The following SLF2 variants were observed in gnomAD, a reference collection of about 807,000 sequenced individuals.
SLF2 encodes SMC5/6 complex localization factor 2, also known as SMC5-SMC6 complex localization factor protein 2.
In SLF2, 68 loss-of-function variants were observed where a neutral mutation model predicts 124.3. That is an observed-to-expected ratio of 0.55 (90% CI 0.45 to 0.67). SLF2 has a LOEUF of 0.67. Among genes scored for constraint, SLF2 ranks in the 30% least tolerant of loss-of-function variants. The pLI is 0.00. For missense variants in SLF2, 1,246 were observed against 1,373.7 expected, an observed-to-expected ratio of 0.91 and a Z score of 1.47; for synonymous variants, 480 against 478.8, an observed-to-expected ratio of 1.00 and a Z score of -0.03.
intron 13 of SLF2, among the ~76,000 whole-genome samples, chr10:100,946,388 G>A (rs557520739): frequency 2.3e-4 from 35 of 149,038 alleles, no homozygotes; most frequent in Non-Finnish European, 4.9e-4. Context: ...GTGCAGTGGC[G>A]CAGTCTTGTC....
In SLF2 at chr10:100,917,297, T is replaced by C; in HGVS notation, c.912T>C (p.Asn304=). Residue 304 remains asparagine (N), a synonymous_variant, in exon 3 of 20, where the codon AAT becomes AAC. Coordinates refer to ENST00000238961, the MANE Select transcript of SLF2 (RefSeq NM_018121.4). ...DIIPGKNNLS[N]VENGHLSRKR... Reference sequence around the variant, plus strand: ...TACCTGGAAAAAATAATCTGTCAAATGTGGTATGTGTAAGAATTATTGAAT... The same window carrying C: ...TACCTGGAAAAAATAATCTGTCAAACGTGGTATGTGTAAGAATTATTGAAT... 2.5e-6 allele frequency: 4 copies of C among 1,605,344 alleles called. No homozygotes were observed. Among genetic ancestry groups the C allele is most frequent in the East Asian group, 2.2e-5 (1 of 44,834 alleles).
At chr10:100,941,055 G>C (rs990262134) in intron 11 of SLF2, among the ~76,000 whole-genome samples, 2 of 151,646 alleles carry the variant, frequency 1.3e-5, no homozygotes, top group South Asian at 4.2e-4. Flanking sequence ...GCCCAGGCTG[G>C]TCTCAAAATC....
chr10:100,932,741 A>G (rs1007583693), intron 9 of SLF2, among the ~76,000 whole-genome samples: 3 of 151,666 alleles, frequency 2.0e-5, no homozygotes, highest in African/African-American at 7.3e-5. Context: ...GCGCGCGCAC[A>G]TTTGTAAATG....
Position 100,933,415 on chromosome 10 carries a change from G to A in SLF2, c.2436+2337G>A, listed in dbSNP as rs895657058. 2.0e-4 allele frequency among the ~76,000 whole-genome samples: 31 copies of A among 152,104 alleles called. 1 individual carries two copies. The highest frequency in any genetic ancestry group is 3.4e-4 in the Non-Finnish European group (23 of 68,018). On this transcript the variant is annotated intron_variant, in intron 9 of 19. Coordinates refer to ENST00000238961, the MANE Select transcript of SLF2 (RefSeq NM_018121.4). ...TTGATTCCAAGTCCGTTTTCATCGT[G>A]GGAGGCTTTACCAACTTGTAAGTAG...
intron 19 of SLF2, 34 bp from the exon 20 acceptor site, chr10:100,961,843 G>T: frequency 6.3e-7 from 1 of 1,597,342 alleles, no homozygotes; most frequent in South Asian, 1.1e-5. Flanking sequence ...ATTAAATTTT[G>T]CTTTACCCTC....
At chr10:100,955,167 C>T (rs1266231841) in intron 17 of SLF2, among the ~76,000 whole-genome samples, 3 of 151,752 alleles carry the variant, frequency 2.0e-5, no homozygotes, top group Non-Finnish European at 4.4e-5. Context: ...GTCTTGATCT[C>T]CTGACCTTGT....
chr10:100,938,793 A>G, intron 11 of SLF2, 57 bp downstream of exon 11: 3 of 1,411,272 alleles, frequency 2.1e-6, no homozygotes, highest in Non-Finnish European at 2.8e-6. Context: ...ACTTATATAT[A>G]ATTATAGCTA....
chr10:100,960,659 T>C (rs1850409996), intron 19 of SLF2, among the ~76,000 whole-genome samples: 1 of 152,222 alleles, frequency 6.6e-6, no homozygotes, highest in South Asian at 2.1e-4. Flanking sequence ...TTTTTATTAT[T>C]GAGTTGTATG....
chr10:100,933,907 G>A (rs1025506935), intron 9 of SLF2, among the ~76,000 whole-genome samples: 1 of 152,166 alleles, frequency 6.6e-6, no homozygotes, highest in African/African-American at 2.4e-5. Context: ...TCGAACTCCT[G>A]GCCTTAAGTG....
At chr10:100,916,316 T>G (rs2133748443) in intron 2 of SLF2, among the ~76,000 whole-genome samples, 1 of 152,210 alleles carries the variant, frequency 6.6e-6, no homozygotes, top group South Asian at 2.1e-4. Flanking sequence ...ATACAGTAAT[T>G]TATAGAGCCA....
At position 100,959,456 on chromosome 10, in the gene SLF2, G is replaced by A; in HGVS notation, c.3446G>A (p.Gly1149Glu). 6.2e-7 allele frequency: 1 copy of A among 1,609,486 alleles called. No homozygotes were observed. The highest frequency in any genetic ancestry group is 8.5e-7 in the Non-Finnish European group (1 of 1,178,892). Residue 1149 changes from glycine to glutamate, a missense_variant, in exon 19 of 20, where the codon GGA (glycine) becomes GAA (glutamate). Gly to Glu is a moderately conservative substitution (Grantham distance 98). Around this residue, in one of 3 missense-constraint regions of SLF2, gnomAD observed 535 missense variants for 632.8 expected, o/e 0.85. Coordinates refer to ENST00000238961, the MANE Select transcript of SLF2 (RefSeq NM_018121.4). Reference protein sequence around the residue: ...KVKDLVARIHGKWQEIIQNCR... With the variant: ...KVKDLVARIHEKWQEIIQNCR... ...AAAGACTTGGTCGCCAGGATACATGGAAAATGGCAGGAAATAATCCAGAAC... is the reference window on the plus strand; with the variant it reads ...AAAGACTTGGTCGCCAGGATACATGAAAAATGGCAGGAAATAATCCAGAAC...
chr10:100,960,794 C>T (rs959437249), intron 19 of SLF2, among the ~76,000 whole-genome samples: 2 of 150,878 alleles, frequency 1.3e-5, no homozygotes, highest in African/African-American at 4.9e-5. Flanking sequence ...GATGTTATAT[C>T]TAAGGAGTCT....
chr10:100,937,284 T>C (rs1849882797), intron 9 of SLF2, 118 bp from the exon 10 acceptor site: 3 of 781,916 alleles, frequency 3.8e-6, no homozygotes, highest in Middle Eastern at 2.8e-4. Context: ...GTGCTAGGAT[T>C]ACAGGCATGA....
chr10:100,913,110 C>T lies in SLF2; in HGVS notation c.-1C>T. On this transcript the variant is annotated 5_prime_UTR_variant, in exon 1 of 20. Coordinates refer to ENST00000238961, the MANE Select transcript of SLF2 (RefSeq NM_018121.4). ...ATGCCGCCGTCGCCAGCGGCGCCGA[C>T]ATGACAAGGCGCTGCATGCCCGCTA... The T allele has an allele frequency of 6.2e-7, 1 of 1,611,846 alleles. No homozygotes were observed. The highest frequency in any genetic ancestry group is 8.5e-7 in the Non-Finnish European group (1 of 1,179,126).
chr10:100,935,394 CAAA>C (rs781232248), intron 9 of SLF2, among the ~76,000 whole-genome samples: 1 of 135,534 alleles, frequency 7.4e-6, no homozygotes. Context: ...GATTCTGTCC[CAAA>C]AAAAAAAAAA....
chr10:100,937,510 T>C, intron 10 of SLF2, 33 bp downstream of exon 10: 2 of 1,267,312 alleles, frequency 1.6e-6, no homozygotes, highest in Non-Finnish European at 2.3e-6. Context: ...ATTTACCGTG[T>C]GTATTATTGG....
At chr10:100,939,539 G>A (rs1849927478) in intron 11 of SLF2, among the ~76,000 whole-genome samples, 1 of 152,102 alleles carries the variant, frequency 6.6e-6, no homozygotes, top group Admixed American at 6.5e-5. Context: ...TTAGCCAGGT[G>A]TAGTGGCACG....
chr10:100,913,148 C>T lies in SLF2; in HGVS notation c.38C>T (p.Pro13Leu). 1 of 1,613,506 alleles carries T rather than the reference C, an allele frequency of 6.2e-7. No individual in the cohort carries two copies. The highest frequency in any genetic ancestry group is 2.2e-5 in the East Asian group (1 of 44,816). Residue 13 changes from proline to leucine, a missense_variant, in exon 1 of 20, where the codon CCC becomes CTC. Physicochemically the swap from Pro to Leu is moderately conservative, Grantham distance 98. This residue lies in a region of SLF2 where 698 missense variants were observed against 708.9 expected (regional missense o/e 0.98). Transcript: ENST00000238961. ...RRCMPARPGFPSSPAPGSSPP... is the reference protein window; with the variant it reads ...RRCMPARPGFLSSPAPGSSPP... ...TGCATGCCCGCTAGGCCAGGTTTCC[C>T]CTCATCCCCAGCCCCGGGGTCGTCG... is the stretch of plus-strand genomic sequence containing the variant.
chr10:100,916,540 A>G (rs1317218445), intron 2 of SLF2, 30 bp from the exon 3 acceptor site: 1 of 1,309,478 alleles, frequency 7.6e-7, no homozygotes, highest in Non-Finnish European at 9.8e-7. Flanking sequence ...ACTAACATGC[A>G]ATTTGTATGT....
Sources: allele counts gnomAD v4.1 joint callset (sites outside exome capture counted in the v4.1 genomes callset), GRCh38; gene constraint gnomAD v4.1.1; regional missense constraint gnomAD v4.1.1; transcripts MANE v1.5; gene names NCBI Gene and HGNC (gene_info 2026-07-23, HGNC 2026-07-21).